The following ANK3 variants were observed in gnomAD, a reference collection of about 807,000 sequenced individuals.
The protein encoded by ANK3 is ankyrin 3.
ANK3 carries 57 observed loss-of-function variants against 370.9 expected under a neutral mutation model. The ratio of observed to expected loss-of-function variants is 0.15; its 90% CI spans 0.12 to 0.19. The LOEUF (loss-of-function observed/expected upper bound fraction) is 0.19. Among genes scored for constraint, ANK3 ranks in the 10% least tolerant of loss-of-function variants. The pLI is 1.00. For synonymous variants in ANK3, 1,929 were observed against 1,946.3 expected (o/e 0.99, Z 0.23); for missense variants, 4,439 against 5,302.1 (o/e 0.84, Z 5.06).
intron 7 of ANK3, among the ~76,000 whole-genome samples, chr10:60,251,019 A>AG (rs1340728515): frequency 1.3e-5 from 2 of 152,190 alleles, no homozygotes; most frequent in Non-Finnish European, 2.9e-5. Flanking sequence ...TCTTAGCACT[A>AG]GCTCCACTAG....
chr10:60,393,528 T>C (rs529451653), upstream of ANK3, among the ~76,000 whole-genome samples: 21 of 152,230 alleles, frequency 1.4e-4, no homozygotes, highest in East Asian at 3.1e-3. Context: ...CCAGATAACA[T>C]CTAATCCAGG....
intron 1 of ANK3, among the ~76,000 whole-genome samples, chr10:60,733,091 C>G (rs943497258): frequency 3.9e-5 from 6 of 152,012 alleles, no homozygotes; most frequent in African/African-American, 1.4e-4. Flanking sequence ...CTCCCACGAT[C>G]CGCAGGAACC....
intron 1 of ANK3, among the ~76,000 whole-genome samples, chr10:60,701,148 G>T (rs1173579913): frequency 6.6e-6 from 1 of 151,834 alleles, no homozygotes; most frequent in Non-Finnish European, 1.5e-5. Context: ...TGAAAAAAAG[G>T]TTTAACATTT....
chr10:60,129,805 A>C (rs1224056984), intron 25 of ANK3, among the ~76,000 whole-genome samples: 1 of 152,188 alleles, frequency 6.6e-6, no homozygotes, highest in Non-Finnish European at 1.5e-5. Flanking sequence ...TGATGCTCGT[A>C]AGTGGTCTGG....
At chr10:60,213,292 G>T in intron 9 of ANK3, 120 bp downstream of exon 9, 1 of 622,926 alleles carries the variant, frequency 1.6e-6, no homozygotes. Context: ...AAGATCTGGT[G>T]AACATAACTA....
intron 11 of ANK3, among the ~76,000 whole-genome samples, chr10:60,203,699 A>G (rs2096718543): frequency 6.6e-6 from 1 of 152,228 alleles, no homozygotes; most frequent in African/African-American, 2.4e-5. Context: ...AATGGTCACT[A>G]GACTAGACTT....
At chr10:60,672,175 C>T (rs1168761697) in intron 1 of ANK3, among the ~76,000 whole-genome samples, 1 of 152,188 alleles carries the variant, frequency 6.6e-6, no homozygotes, top group Admixed American at 6.5e-5. Context: ...TCCTAAAACC[C>T]TTGTAATTTC....
chr10:60,261,987 T>C, intron 6 of ANK3, 30 bp from the exon 7 acceptor site: 1 of 1,579,044 alleles, frequency 6.3e-7, no homozygotes, highest in Non-Finnish European at 8.7e-7. Flanking sequence ...GACATTCAAT[T>C]GATTCCTGCC....
chr10:60,105,817 G>A (rs750261427), intron 28 of ANK3, 88 bp downstream of exon 28: 24 of 1,365,740 alleles, frequency 1.8e-5, no homozygotes, highest in Non-Finnish European at 2.3e-5. Context: ...ACAAATGTGT[G>A]AAATTCAGGT....
At chr10:60,644,749 G>A (rs2078685417) in intron 1 of ANK3, among the ~76,000 whole-genome samples, 1 of 149,692 alleles carries the variant, frequency 6.7e-6, no homozygotes, top group Admixed American at 6.7e-5. Context: ...GTATAATTGT[G>A]AGTCATGTAG....
At chr10:60,117,965 GAA>G (rs954957497) in intron 25 of ANK3, among the ~76,000 whole-genome samples, 2 of 152,152 alleles carry the variant, frequency 1.3e-5, no homozygotes, top group African/African-American at 4.8e-5. Flanking sequence ...GCATAGGGAG[GAA>G]AAGTGTGGAA....
At chr10:60,560,921 T>C (rs1285858578) in intron 2 of ANK3, among the ~76,000 whole-genome samples, 3 of 152,216 alleles carry the variant, frequency 2.0e-5, no homozygotes, top group Admixed American at 6.5e-5. Context: ...GTTCCTGCTA[T>C]GTTAAAATGA....
chr10:60,702,105 T>C (rs906924453), intron 1 of ANK3, among the ~76,000 whole-genome samples: 4 of 151,568 alleles, frequency 2.6e-5, no homozygotes. Context: ...CAAAAAAAAG[T>C]AAATAAAGAA....
In ANK3 at chr10:60,109,066, A is replaced by T; in HGVS notation, c.2949-12T>A. 2 of 1,605,400 alleles carry T rather than the reference A, an allele frequency of 1.2e-6. No individual in the cohort carries two copies. Among genetic ancestry groups the T allele is most frequent in the Non-Finnish European group, 1.7e-6 (2 of 1,173,732 alleles). ...AGCTAACCAGAAACCTGAGGGGAGA[A>T]GATCAGAGGCCAATTCAAGGACGGA... is the stretch of plus-strand genomic sequence containing the variant. On this transcript the variant is annotated splice_polypyrimidine_tract_variant and intron_variant, in intron 26 of 43. Coordinates refer to ENST00000280772, the MANE Select transcript of ANK3 (RefSeq NM_020987.5).
chr10:60,683,111 C>G (rs1397429207), intron 1 of ANK3, among the ~76,000 whole-genome samples: 3 of 152,098 alleles, frequency 2.0e-5, no homozygotes, highest in African/African-American at 7.2e-5. Context: ...AGGAAAAACC[C>G]CCGCATCTTT....
chr10:60,338,620 C>A (rs967350095), intron 1 of ANK3, among the ~76,000 whole-genome samples: 2 of 152,140 alleles, frequency 1.3e-5, no homozygotes, highest in African/African-American at 4.8e-5. Flanking sequence ...GTCCCCCCAG[C>A]CCTTGTGGGA....
intron 1 of ANK3, 99 bp from the exon 2 acceptor site, chr10:60,279,738 T>TTTA: frequency 1.2e-6 from 1 of 859,054 alleles, no homozygotes; most frequent in South Asian, 1.6e-5. Flanking sequence ...ATTGAACTCT[T>TTTA]TTATTTCTAA....
chr10:60,424,216 C>G (rs1282013670), intron 2 of ANK3, among the ~76,000 whole-genome samples: 1 of 151,958 alleles, frequency 6.6e-6, no homozygotes, highest in Non-Finnish European at 1.5e-5. Flanking sequence ...TTTGTCCTCT[C>G]AAAATAATTG....
At chr10:60,502,375 C>G (rs1003838952) in intron 2 of ANK3, among the ~76,000 whole-genome samples, 1 of 152,192 alleles carries the variant, frequency 6.6e-6, no homozygotes, top group Admixed American at 6.5e-5. Flanking sequence ...GGCTCCAGTG[C>G]TGGACAGACC....
Sources: gnomAD v4.1 joint callset for allele counts (sites outside exome capture counted in the v4.1 genomes callset) on GRCh38, gnomAD v4.1.1 for gene constraint, MANE v1.5 for transcripts, NCBI Gene and HGNC (gene_info 2026-07-23, HGNC 2026-07-21) for gene names.